NPEPPS: variants seen among roughly 807,000 people sequenced by gnomAD.
The protein encoded by NPEPPS is aminopeptidase puromycin sensitive, also known as puromycin-sensitive aminopeptidase.
NPEPPS carries 14 observed loss-of-function variants against 115.5 expected under a neutral mutation model. The ratio of observed to expected loss-of-function variants is 0.12; its 90% confidence interval spans 0.08 to 0.19. The LOEUF (loss-of-function observed/expected upper bound fraction) is 0.19, where lower values mean the gene tolerates loss of function less well. NPEPPS is among the 10% of genes least tolerant of loss of function. NPEPPS has a pLI of 1.00. For synonymous variants in NPEPPS, 285 were observed against 390.6 expected, an observed-to-expected ratio of 0.73 and a Z score of 3.19; for missense variants, 523 against 1,110.8, an observed-to-expected ratio of 0.47 and a Z score of 7.52.
intron 14 of NPEPPS, among the ~76,000 whole-genome samples, chr17:47,600,826 C>A (rs1341764244): frequency 6.6e-6 from 1 of 152,174 alleles, no homozygotes. Context: ...AACATAACAG[C>A]TTCCAGGTTG....
chr17:47,619,757 A>T lies in NPEPPS; in HGVS notation c.2580A>T (p.Ala860=), dbSNP rs1232426251. Residue 860 remains alanine (A), a synonymous_variant, in exon 22 of 23, where the codon GCA becomes GCT. Transcript: ENST00000322157. Reference sequence around the variant, plus strand: ...TGCAGCTATCAGTTGAGGGATTTGCAGTTGATAAAATGGCTGGAGAGGTTA... The same window carrying T: ...TGCAGCTATCAGTTGAGGGATTTGCTGTTGATAAAATGGCTGGAGAGGTTA... ...RLIKLSVEGF[A]VDKMAGEVKA... 1 of 1,613,652 alleles carries T rather than the reference A, an allele frequency of 6.2e-7. No homozygotes were observed.
At chr17:47,618,503 C>T in intron 20 of NPEPPS, 46 bp downstream of exon 20, 1 of 1,292,164 alleles carries the variant, frequency 7.7e-7, no homozygotes, top group Non-Finnish European at 1.1e-6. Context: ...CGTTACCCAT[C>T]TCTGAGAAGT....
intron 2 of NPEPPS, among the ~76,000 whole-genome samples, chr17:47,552,903 A>G (rs1909748131): frequency 6.6e-6 from 1 of 152,194 alleles, no homozygotes; most frequent in Non-Finnish European, 1.5e-5. Flanking sequence ...CAGAGAGGGT[A>G]TCTACTTTAG....
intron 16 of NPEPPS, 102 bp from the exon 17 acceptor site, chr17:47,605,231 A>T: frequency 1.3e-6 from 1 of 754,392 alleles, no homozygotes; most frequent in Non-Finnish European, 2.2e-6. Flanking sequence ...CCATTTCCTT[A>T]AACCAAAGAA....
At chr17:47,603,268 T>A (rs572610401) in intron 15 of NPEPPS, among the ~76,000 whole-genome samples, 12 of 152,034 alleles carry the variant, frequency 7.9e-5, no homozygotes, top group Non-Finnish European at 1.6e-4. Flanking sequence ...CAAAATTAGC[T>A]GGGTGTGGTG....
intron 17 of NPEPPS, among the ~76,000 whole-genome samples, chr17:47,612,236 T>TGTA (rs1913915186): frequency 6.6e-6 from 1 of 152,224 alleles, no homozygotes; most frequent in Admixed American, 6.5e-5. Flanking sequence ...CATTCGTGAC[T>TGTA]GTAGATAAAG....
At chr17:47,537,283 G>A (rs1908371571) in intron 1 of NPEPPS, among the ~76,000 whole-genome samples, 1 of 152,298 alleles carries the variant, frequency 6.6e-6, no homozygotes, top group Admixed American at 6.5e-5. Context: ...TATCTGTGAG[G>A]AAAGAAGTAT....
In NPEPPS at chr17:47,531,268, C is replaced by G; in HGVS notation, c.-33C>G. On this transcript the variant is annotated 5_prime_UTR_variant, in exon 1 of 23. Coordinates refer to ENST00000322157, the MANE Select transcript of NPEPPS (RefSeq NM_006310.4). ...CCCCCGCCCCCCAGGCTCCCCCGGT[C>G]GCTCTCCTCCGGCGGTCGCCCGCGC... The G allele has an allele frequency of 6.8e-7, 1 of 1,481,366 alleles. No homozygotes were observed. The highest frequency in any genetic ancestry group is 9.0e-7 in the Non-Finnish European group (1 of 1,112,174). 91.8% of individuals were successfully genotyped at this position (1,481,366 alleles called of 1,614,324 possible).
chr17:47,558,472 C>T (rs1195809956), intron 2 of NPEPPS, among the ~76,000 whole-genome samples: 3 of 151,672 alleles, frequency 2.0e-5, no homozygotes, highest in Admixed American at 6.6e-5. Flanking sequence ...CTCTGTCACC[C>T]ATGCTGGAGT....
intron 19 of NPEPPS, among the ~76,000 whole-genome samples, chr17:47,616,024 T>G (rs1159973904): frequency 6.6e-6 from 1 of 152,192 alleles, no homozygotes; most frequent in African/African-American, 2.4e-5. Context: ...TCTAGTGGAC[T>G]AGAATAACAG....
At chr17:47,613,872 T>C in intron 19 of NPEPPS, 147 bp downstream of exon 19, 1 of 589,466 alleles carries the variant, frequency 1.7e-6, no homozygotes, top group Non-Finnish European at 2.9e-6. Flanking sequence ...TGTGAGAGAA[T>C]TATGTCTATC....
chr17:47,604,005 C>G lies in NPEPPS; in HGVS notation c.1831C>G (p.Pro611Ala), dbSNP rs993407853. The change falls in exon 16 of 23, where the codon CCC becomes GCC. Residue 611 changes from proline to alanine, a missense_variant. Physicochemically the swap from Pro to Ala is conservative, Grantham distance 27. Around this residue, in one of 4 missense-constraint regions of NPEPPS, gnomAD observed 372 missense variants for 542.6 expected, o/e 0.69. Transcript: ENST00000322157. Reference sequence around the variant, plus strand: ...ACCAGGCATTCGTGACCTTTCTCTGCCCCCTGTGGATCGACTTGGATTACA... The same window carrying G: ...ACCAGGCATTCGTGACCTTTCTCTGGCCCCTGTGGATCGACTTGGATTACA... ...LLPGIRDLSL[P>A]PVDRLGLQND... The G allele has an allele frequency of 6.2e-7, 1 of 1,613,508 alleles. No homozygotes were observed. The highest frequency in any genetic ancestry group is 1.3e-5 in the African/African-American group (1 of 74,910).
intron 2 of NPEPPS, among the ~76,000 whole-genome samples, chr17:47,552,353 T>G (rs191037110): frequency 1.0e-3 from 158 of 152,310 alleles, no homozygotes; most frequent in Admixed American, 3.5e-3. Context: ...TTAAGTATCA[T>G]TAGTTCAAAC....
chr17:47,536,934 A>G (rs1292066177), intron 1 of NPEPPS, among the ~76,000 whole-genome samples: 3 of 151,584 alleles, frequency 2.0e-5, no homozygotes, highest in Admixed American at 2.0e-4. Context: ...GCTGGTCTCA[A>G]ACTCCTGACC....
chr17:47,587,659 G>A (rs1215303900), intron 9 of NPEPPS, among the ~76,000 whole-genome samples: 3 of 152,136 alleles, frequency 2.0e-5, no homozygotes, highest in Admixed American at 1.3e-4. Context: ...GAATCATGCA[G>A]TGAGATTCCA....
Position 47,600,162 on chromosome 17 carries a change from A to G in NPEPPS, c.1600+423A>G, listed in dbSNP as rs542175058. 2.0e-4 allele frequency among the ~76,000 whole-genome samples: 30 copies of G among 152,314 alleles called. 1 individual carries two copies. The highest frequency in any genetic ancestry group is 7.2e-4 in the African/African-American group (30 of 41,568). On this transcript the variant is annotated intron_variant, in intron 14 of 22. Coordinates refer to ENST00000322157, the MANE Select transcript of NPEPPS (RefSeq NM_006310.4). The stretch of plus-strand genomic sequence containing the variant: ...GAATATATCTAACAAAGCTGGGCAC[A>G]GTGGTTCACGCCTGTAGTCTCAGTA...
intron 22 of NPEPPS, chr17:47,620,068 G>T (rs116841331): frequency 0.016 from 4,893 of 296,918 alleles, 51 homozygotes; most frequent in Middle Eastern, 0.037. Flanking sequence ...CCCCAAATTA[G>T]CTGGACATGG....
At chr17:47,612,664 T>A in intron 18 of NPEPPS, 62 bp downstream of exon 18, 49 of 98,580 alleles carry the variant, frequency 5.0e-4, no homozygotes, top group Non-Finnish European at 8.2e-4. Flanking sequence ...AGCATGGAAC[T>A]TTTTTTTTTT....
intron 2 of NPEPPS, among the ~76,000 whole-genome samples, chr17:47,548,586 A>T (rs1451894238): frequency 6.9e-6 from 1 of 144,078 alleles, no homozygotes; most frequent in East Asian, 2.0e-4. Flanking sequence ...GTGACTGAAA[A>T]GTTCTTTTTT....
Sources: gnomAD v4.1 joint callset for allele counts (sites outside exome capture counted in the v4.1 genomes callset) on GRCh38, gnomAD v4.1.1 for gene constraint, gnomAD v4.1.1 regional missense constraint, MANE v1.5 for transcripts, NCBI Gene and HGNC (gene_info 2026-07-23, HGNC 2026-07-21) for gene names.